XKR9: variants seen among roughly 807,000 people sequenced by gnomAD.
XKR9 encodes XK-related protein 9.
XKR9 carries 32 observed loss-of-function variants against 32.0 expected under a neutral mutation model. The ratio of observed to expected loss-of-function variants is 1.00; its 90% CI spans 0.76 to 1.34. The LOEUF is 1.34. Among genes scored for constraint, XKR9 ranks in the 40% most tolerant of loss-of-function variants. XKR9 has a pLI of 0.00. For missense variants in XKR9, 546 were observed against 429.7 expected, an observed-to-expected ratio of 1.27 and a Z score of -2.39; for synonymous variants, 168 against 143.4, an observed-to-expected ratio of 1.17 and a Z score of -1.22.
At chr8:70,814,704 A>C in the XKR9 span, among the ~76,000 whole-genome samples, 5 of 152,292 alleles carry the variant, frequency 3.3e-5, no homozygotes, top group South Asian at 8.3e-4. Context: ...GCCTATTTTC[A>C]CCACTGTTGT....
chr8:70,889,791 TG>T, the XKR9 span, among the ~76,000 whole-genome samples: 7 of 152,026 alleles, frequency 4.6e-5, no homozygotes, highest in African/African-American at 1.7e-4. Flanking sequence ...GTGGTGTATA[TG>T]ACCACATTTT....
At chr8:71,003,573 G>T in the XKR9 span, among the ~76,000 whole-genome samples, 1 of 152,168 alleles carries the variant, frequency 6.6e-6, no homozygotes, top group East Asian at 1.9e-4. Flanking sequence ...TCCTGCAAAG[G>T]CTCTTTGCTA....
At chr8:70,984,032 C>A in the XKR9 span, among the ~76,000 whole-genome samples, 1 of 152,116 alleles carries the variant, frequency 6.6e-6, no homozygotes, top group Non-Finnish European at 1.5e-5. Flanking sequence ...CAAGAAACAT[C>A]ACCTTAAATT....
At chr8:70,852,856 G>A in the XKR9 span, among the ~76,000 whole-genome samples, 80 of 152,200 alleles carry the variant, frequency 5.3e-4, no homozygotes, top group Non-Finnish European at 2.1e-4. Context: ...TGGCAGGTGG[G>A]GGACAGGAAA....
the XKR9 span, among the ~76,000 whole-genome samples, chr8:70,883,981 G>A: frequency 5.3e-5 from 8 of 152,234 alleles, no homozygotes; most frequent in East Asian, 1.4e-3. Flanking sequence ...CAAAATGGCT[G>A]TACCATTTTG....
At chr8:70,991,745 A>G in the XKR9 span, among the ~76,000 whole-genome samples, 1 of 152,222 alleles carries the variant, frequency 6.6e-6, no homozygotes, top group Non-Finnish European at 1.5e-5. Context: ...GTCAAATACT[A>G]GAAGACCCTG....
the XKR9 span, among the ~76,000 whole-genome samples, chr8:71,030,995 T>C: frequency 2.0e-5 from 3 of 152,190 alleles, no homozygotes; most frequent in African/African-American, 7.2e-5. Flanking sequence ...GTTTGCTAAA[T>C]AAAGAGAAAT....
At chr8:70,753,506 A>G (rs1200601571) in intron 2 of XKR9, among the ~76,000 whole-genome samples, 1 of 152,234 alleles carries the variant, frequency 6.6e-6, no homozygotes, top group African/African-American at 2.4e-5. Flanking sequence ...CATTGTTGCA[A>G]AAGTCCTCAA....
chr8:70,934,698 G>A, the XKR9 span, among the ~76,000 whole-genome samples: 6 of 151,794 alleles, frequency 4.0e-5, no homozygotes, highest in East Asian at 3.9e-4. Flanking sequence ...CAGCAAATTC[G>A]TATTTCAAAT....
At chr8:70,742,940 T>C (rs1389358710) in intron 2 of XKR9, among the ~76,000 whole-genome samples, 1 of 152,140 alleles carries the variant, frequency 6.6e-6, no homozygotes, top group East Asian at 1.9e-4. Context: ...TCCAAGTTTC[T>C]TGAACCTGTA....
At chr8:70,876,159 C>A in the XKR9 span, among the ~76,000 whole-genome samples, 1 of 150,564 alleles carries the variant, frequency 6.6e-6, no homozygotes, top group Non-Finnish European at 1.5e-5. Flanking sequence ...TCTAATAAGT[C>A]TTGGATGCAG....
At chr8:70,913,522 A>T in the XKR9 span, among the ~76,000 whole-genome samples, 1 of 152,164 alleles carries the variant, frequency 6.6e-6, no homozygotes, top group African/African-American at 2.4e-5. Context: ...AAAAAGAAAA[A>T]CTTAGTAGGA....
chr8:70,834,272 G>A, the XKR9 span, among the ~76,000 whole-genome samples: 3 of 151,944 alleles, frequency 2.0e-5, no homozygotes, highest in Non-Finnish European at 4.4e-5. Context: ...AATATAAGAA[G>A]CTTTAGTTCA....
At chr8:70,928,727 T>A in the XKR9 span, among the ~76,000 whole-genome samples, 1 of 152,148 alleles carries the variant, frequency 6.6e-6, no homozygotes, top group Non-Finnish European at 1.5e-5. Flanking sequence ...CTGGCCAAGC[T>A]TGTCAGACTC....
the XKR9 span, among the ~76,000 whole-genome samples, chr8:70,893,067 C>T: frequency 3.3e-5 from 5 of 151,892 alleles, no homozygotes; most frequent in African/African-American, 1.2e-4. Context: ...TGACTAATTT[C>T]TAATGACCTA....
the XKR9 span, among the ~76,000 whole-genome samples, chr8:70,914,577 T>C: frequency 1.3e-5 from 2 of 152,170 alleles, no homozygotes; most frequent in Non-Finnish European, 2.9e-5. Flanking sequence ...ATTGTTTGCT[T>C]TTCTCTTATT....
chr8:70,685,211 T>C (rs1254487236), intron 3 of XKR9, among the ~76,000 whole-genome samples: 1 of 150,154 alleles, frequency 6.7e-6, no homozygotes, highest in East Asian at 2.0e-4. Context: ...TGGGTGAAAT[T>C]GGAAATCATC....
At chr8:71,061,490 C>A in the XKR9 span, among the ~76,000 whole-genome samples, 1 of 152,164 alleles carries the variant, frequency 6.6e-6, no homozygotes, top group Admixed American at 6.5e-5. Context: ...CAGGTGGAAC[C>A]AAATATATCT....
chr8:70,981,422 A>C, the XKR9 span, among the ~76,000 whole-genome samples: 1 of 152,096 alleles, frequency 6.6e-6, no homozygotes, highest in African/African-American at 2.4e-5. Flanking sequence ...CTGCTTGTTC[A>C]GTTCGATTGC....
Sources: gnomAD v4.1 joint callset for allele counts (sites outside exome capture counted in the v4.1 genomes callset) on GRCh38, gnomAD v4.1.1 for gene constraint, MANE v1.5 for transcripts, NCBI Gene and HGNC (gene_info 2026-07-23, HGNC 2026-07-21) for gene names.